ZRANB3: variants seen among roughly 807,000 people sequenced by gnomAD.
ZRANB3 encodes zinc finger RANBP2-type containing 3.
Under a neutral mutation model 133.8 loss-of-function variants are expected in ZRANB3, and 125 were observed. The observed-to-expected ratio is 0.93, with a 90% confidence interval of 0.81 to 1.08. The LOEUF (loss-of-function observed/expected upper bound fraction) is 1.08, where lower values mean the gene tolerates loss of function less well. Ranked by LOEUF, ZRANB3 falls within the 50% of genes least tolerant of loss-of-function variation. The pLI, the probability that ZRANB3 is intolerant of heterozygous loss-of-function variation, is 0.00. For synonymous variants in ZRANB3, 387 were observed against 432.7 expected, an observed-to-expected ratio of 0.89 and a Z score of 1.31; for missense variants, 1,229 against 1,275.5, an observed-to-expected ratio of 0.96 and a Z score of 0.56.
intron 8 of ZRANB3, among the ~76,000 whole-genome samples, chr2:135,291,857 C>G (rs371098138): frequency 4.1e-5 from 6 of 147,392 alleles, no homozygotes; most frequent in South Asian, 2.1e-4. Flanking sequence ...TTGGTTTTTT[C>G]TCCTTGCGAT....
At chr2:135,228,090 G>T in intron 13 of ZRANB3, 75 bp from the exon 14 acceptor site, 1 of 1,246,882 alleles carries the variant, frequency 8.0e-7, no homozygotes, top group Non-Finnish European at 1.1e-6. Context: ...GTAACAGTTA[G>T]GTCTTATAAA....
intron 2 of ZRANB3, among the ~76,000 whole-genome samples, chr2:135,483,822 C>T (rs1222028330): frequency 2.0e-5 from 3 of 152,076 alleles, no homozygotes; most frequent in Non-Finnish European, 4.4e-5. Context: ...TCTTTGTTGT[C>T]GTTGGTTTCA....
chr2:135,524,787 T>C (rs1694084662), intron 1 of ZRANB3, among the ~76,000 whole-genome samples: 3 of 152,116 alleles, frequency 2.0e-5, no homozygotes, highest in African/African-American at 7.2e-5. Flanking sequence ...ATGAGAATTG[T>C]GAATATGATA....
chr2:135,453,343 G>T (rs1690357373), intron 2 of ZRANB3, among the ~76,000 whole-genome samples: 1 of 152,220 alleles, frequency 6.6e-6, no homozygotes, highest in Non-Finnish European at 1.5e-5. Context: ...TGGTCTTTTG[G>T]ATTAACATTA....
At chr2:135,241,365 C>CTTT (rs398060565) in intron 12 of ZRANB3, among the ~76,000 whole-genome samples, 5 of 126,110 alleles carry the variant, frequency 4.0e-5, no homozygotes, top group African/African-American at 1.1e-4. Context: ...ATTCTCTGTT[C>CTTT]TTTTTTTTTT....
chr2:135,392,301 G>C (rs932968847), intron 2 of ZRANB3, among the ~76,000 whole-genome samples: 4 of 117,342 alleles, frequency 3.4e-5, no homozygotes, highest in Admixed American at 1.1e-4. Flanking sequence ...ACAACAAAGG[G>C]AGACCCTATC....
intron 20 of ZRANB3, 71 bp from the exon 21 acceptor site, chr2:135,200,511 T>C: frequency 7.7e-7 from 1 of 1,293,938 alleles, no homozygotes; most frequent in Middle Eastern, 1.8e-4. Flanking sequence ...CAAAAACTCT[T>C]TATATTGTTA....
At chr2:135,215,112 C>T (rs538633828) in intron 17 of ZRANB3, among the ~76,000 whole-genome samples, 1 of 152,134 alleles carries the variant, frequency 6.6e-6, no homozygotes, top group East Asian at 1.9e-4. Context: ...GAGATACAGT[C>T]TCGCTATGTT....
chr2:135,348,165 A>T (rs1182580752), intron 5 of ZRANB3, among the ~76,000 whole-genome samples: 1 of 152,020 alleles, frequency 6.6e-6, no homozygotes, highest in Non-Finnish European at 1.5e-5. Flanking sequence ...AGGCTGAGGC[A>T]GAAGAATTGC....
At chr2:135,307,777 G>A (rs939778794) in intron 8 of ZRANB3, among the ~76,000 whole-genome samples, 5 of 152,250 alleles carry the variant, frequency 3.3e-5, no homozygotes, top group Middle Eastern at 6.8e-3. Context: ...TATGGTGGGG[G>A]AGGGGACTGA....
Position 135,276,997 on chromosome 2 carries a change from T to C in ZRANB3, c.967-1242A>G, listed in dbSNP as rs565392810. On this transcript the variant is annotated intron_variant, in intron 8 of 20. Coordinates refer to ENST00000264159, the MANE Select transcript of ZRANB3 (RefSeq NM_032143.4). ...TAGGTAACTACCATAACCATTCTGG[T>C]AGAAAACTACAGACTTATTCTCTGG... Among the ~76,000 whole-genome samples, 33 of 152,298 alleles carry C rather than the reference T, an allele frequency of 2.2e-4. No homozygotes were observed. The South Asian group carries it at 5.8e-3, about 27-fold the overall frequency.
At chr2:135,204,740 T>C (rs1558826241) in intron 19 of ZRANB3, among the ~76,000 whole-genome samples, 1 of 145,994 alleles carries the variant, frequency 6.8e-6, no homozygotes, top group African/African-American at 2.5e-5. Context: ...TATAAATATA[T>C]ATTTATATTA....
chr2:135,394,151 C>T (rs1187053770), intron 2 of ZRANB3, among the ~76,000 whole-genome samples: 1 of 152,106 alleles, frequency 6.6e-6, no homozygotes, highest in Non-Finnish European at 1.5e-5. Flanking sequence ...GCCACCATGC[C>T]CAGCTTAGAA....
chr2:135,488,844 T>C (rs1280414761), intron 2 of ZRANB3, among the ~76,000 whole-genome samples: 2 of 150,234 alleles, frequency 1.3e-5, no homozygotes, highest in Non-Finnish European at 2.9e-5. Context: ...CATATTTGAT[T>C]ATACTATATA....
At chr2:135,224,612 C>A in intron 14 of ZRANB3, 95 bp from the exon 15 acceptor site, 1 of 745,162 alleles carries the variant, frequency 1.3e-6, no homozygotes, top group South Asian at 2.9e-5. Context: ...GATGAAATAG[C>A]TATATCAAAA....
In ZRANB3 at chr2:135,197,351, T is replaced by TTTTA. The variant is rs1279324818; in HGVS notation, c.*2987_*2990dup. 2 of 152,222 alleles carry TTTTA rather than the reference T, an allele frequency of 1.3e-5. No individual in the cohort carries two copies. The highest frequency in any genetic ancestry group is 4.8e-5 in the African/African-American group (2 of 41,462). 9.4% of individuals were successfully genotyped at this position (152,222 alleles called of 1,614,324 possible). A position where few individuals can be genotyped will look rare whatever the true frequency, so the allele number is the denominator to read the frequency against. On this transcript the variant is annotated 3_prime_UTR_variant, in exon 21 of 21. Transcript: ENST00000264159. ...TCATATAATTTAAAATGCCTCATAC[T>TTTTA]TTTATTTCTAAAGAAACTACATTTT...
chr2:135,301,299 C>T lies in ZRANB3; in HGVS notation c.966+12190G>A, dbSNP rs369648117. On this transcript the variant is annotated intron_variant, in intron 8 of 20. Coordinates refer to ENST00000264159, the MANE Select transcript of ZRANB3 (RefSeq NM_032143.4). ...CTCCTGGGTTCAAGCAATTCTCCTGCCCCAGCTTCCCGAGTAGCTGGGATT... is the reference window on the plus strand; with the variant it reads ...CTCCTGGGTTCAAGCAATTCTCCTGTCCCAGCTTCCCGAGTAGCTGGGATT... 1.8e-4 allele frequency among the ~76,000 whole-genome samples: 28 copies of T among 152,044 alleles called. No homozygotes were observed. In the East Asian group the frequency reaches 5.4e-3, roughly 29 times the overall value.
At chr2:135,303,583 T>A (rs1028198236) in intron 8 of ZRANB3, among the ~76,000 whole-genome samples, 1 of 152,150 alleles carries the variant, frequency 6.6e-6, no homozygotes, top group African/African-American at 2.4e-5. Flanking sequence ...AACTTCTTAT[T>A]AAGTATTTAT....
chr2:135,204,507 G>T (rs1452506295), intron 19 of ZRANB3, among the ~76,000 whole-genome samples: 2 of 151,272 alleles, frequency 1.3e-5, no homozygotes, highest in Non-Finnish European at 2.9e-5. Flanking sequence ...CCTCTTGAAG[G>T]AATCACTTGA....
Sources: allele counts gnomAD v4.1 joint callset (sites outside exome capture counted in the v4.1 genomes callset), GRCh38; gene constraint gnomAD v4.1.1; transcripts MANE v1.5; gene names NCBI Gene and HGNC (gene_info 2026-07-23, HGNC 2026-07-21).